PET117: variants seen among roughly 807,000 people sequenced by gnomAD.
The protein encoded by PET117 is PET117 cytochrome c oxidase chaperone.
In PET117, 10 loss-of-function variants were observed where a neutral mutation model predicts 9.2. The ratio of observed to expected loss-of-function variants is 1.09; its 90% CI spans 0.67 to 1.85. The LOEUF (loss-of-function observed/expected upper bound fraction) is 1.85. Among genes scored for constraint, PET117 ranks in the 40% most tolerant of loss-of-function variants. PET117 has a pLI of 0.00. For missense variants in PET117, 96 were observed against 98.2 expected (o/e 0.98, Z 0.09); for synonymous variants, 43 against 37.1 (o/e 1.16, Z -0.57).
At chr20:18,140,443 G>GA (rs924211475) in intron 1 of PET117, among the ~76,000 whole-genome samples, 17 of 151,894 alleles carry the variant, frequency 1.1e-4, no homozygotes, top group African/African-American at 4.1e-4. Flanking sequence ...AAATAATTTG[G>GA]AAAAAACCCC....
chr20:18,139,821 C>T (rs147194923), intron 1 of PET117, among the ~76,000 whole-genome samples: 1 of 152,186 alleles, frequency 6.6e-6, no homozygotes, highest in Non-Finnish European at 1.5e-5. Context: ...ATATTGATTC[C>T]TGACCGTCTA....
chr20:18,140,691 A>C (rs1029341169), intron 1 of PET117, among the ~76,000 whole-genome samples: 12 of 151,922 alleles, frequency 7.9e-5, no homozygotes, highest in Admixed American at 7.9e-4. Flanking sequence ...GCACGCCTGT[A>C]ATCTCAGCTA....
intron 1 of PET117, chr20:18,138,279 G>A: frequency 8.2e-7 from 1 of 1,217,866 alleles, no homozygotes; most frequent in Non-Finnish European, 1.0e-6. Flanking sequence ...AGGACGACCC[G>A]GCTGCCCGGC....
Position 18,142,562 on chromosome 20 carries a change from A to G in PET117, c.*205A>G. ...AGTGTGGGCAGACACTTTTTGGAAG[A>G]GTCTGTCTGGGTGATCCTGGTAGAA... On this transcript the variant is annotated 3_prime_UTR_variant, in exon 2 of 2. Transcript: ENST00000432901. 1 of 1,536,026 alleles carries G rather than the reference A, an allele frequency of 6.5e-7. No homozygotes were observed. The highest frequency in any genetic ancestry group is 8.8e-7 in the Non-Finnish European group (1 of 1,140,158).
At chr20:18,139,595 G>T (rs1438972354) in intron 1 of PET117, among the ~76,000 whole-genome samples, 1 of 151,782 alleles carries the variant, frequency 6.6e-6, no homozygotes, top group East Asian at 1.9e-4. Context: ...GAGTGGAAAA[G>T]TGGTTATTTG....
chr20:18,139,458 G>A (rs1189608145), intron 1 of PET117, among the ~76,000 whole-genome samples: 1 of 152,188 alleles, frequency 6.6e-6, no homozygotes, highest in Non-Finnish European at 1.5e-5. Flanking sequence ...TTTACAATGT[G>A]ACTAAGGCTT....
chr20:18,137,969 C>T lies in PET117; in HGVS notation c.14C>T (p.Ser5Leu). 2 of 1,498,208 alleles carry T rather than the reference C, an allele frequency of 1.3e-6. No homozygotes were observed. Among genetic ancestry groups the T allele is most frequent in the Non-Finnish European group, 1.8e-6 (2 of 1,130,774 alleles). The allele number at this position is 1,498,208 out of a possible 1,614,324, so 92.8% of individuals were successfully genotyped here. MSRS[S>L]KVVLGLSVLL... is the part of the protein sequence containing the mutation. ...GCCAGCGTGGGGATGTCTAGGAGCT[C>T]GAAGGTGGTGCTGGGCCTCTCGGTG... Residue 5 changes from serine (S) to leucine (L), a missense_variant, in exon 1 of 2, where the codon TCG becomes TTG. Coordinates refer to ENST00000432901, the MANE Select transcript of PET117 (RefSeq NM_001164811.2).
At chr20:18,139,633 CGTGT>C (rs71194228) in intron 1 of PET117, among the ~76,000 whole-genome samples, 30,710 of 141,344 alleles carry the variant, frequency 0.22, 3,327 homozygotes, top group Non-Finnish European at 0.25. Context: ...ACCAAAATAA[CGTGT>C]GTGTGTGTGT....
intron 1 of PET117, chr20:18,138,369 C>T (rs1568660473): frequency 9.4e-6 from 10 of 1,068,452 alleles, no homozygotes; most frequent in Non-Finnish European, 1.0e-5. Flanking sequence ...TGCCCAGTGG[C>T]TCTGTTTTCA....
intron 1 of PET117, among the ~76,000 whole-genome samples, chr20:18,139,691 T>G (rs558020790): frequency 3.3e-5 from 5 of 151,748 alleles, no homozygotes; most frequent in African/African-American, 1.2e-4. Context: ...TTTTTTCCTT[T>G]TATGTCCGGT....
At chr20:18,138,515 A>ATGTGTTG (rs1858851940) in intron 1 of PET117, 2 of 944,040 alleles carry the variant, frequency 2.1e-6, no homozygotes, top group Non-Finnish European at 2.5e-6. Context: ...GTTGGGGTTA[A>ATGTGTTG]AGCCTAATGT....
Position 18,142,781 on chromosome 20 carries a change from G to A in PET117, c.*424G>A, listed in dbSNP as rs781003411. ...GGAGGGAGAGACGCTCCTGATCGTC[G>A]AATCCGAGGATCAGGCATCAGTGGA... On this transcript the variant is annotated 3_prime_UTR_variant, in exon 2 of 2. Transcript: ENST00000432901. The A allele has an allele frequency of 9.9e-6, 16 of 1,614,044 alleles. No homozygotes were observed. The highest frequency in any genetic ancestry group is 1.7e-5 in the Admixed American group (1 of 59,994).
chr20:18,143,020 A>G lies in PET117; in HGVS notation c.*663A>G, dbSNP rs984636401. On this transcript the variant is annotated 3_prime_UTR_variant, in exon 2 of 2. Coordinates refer to ENST00000432901, the MANE Select transcript of PET117 (RefSeq NM_001164811.2). ...TGAATGTAAAAGAGACCTAAATAAAAGGATAATTATATTTATTCTCTAGTT... is the reference window on the plus strand; with the variant it reads ...TGAATGTAAAAGAGACCTAAATAAAGGGATAATTATATTTATTCTCTAGTT... 4.1e-6 allele frequency: 6 copies of G among 1,473,878 alleles called. No homozygotes were observed. The highest frequency in any genetic ancestry group is 2.5e-5 in the Admixed American group (1 of 39,624). The allele number at this position is 1,473,878 out of a possible 1,614,324, so 91.3% of individuals were successfully genotyped here. A position where few individuals can be genotyped will look rare whatever the true frequency, so the allele number is the denominator to read the frequency against.
intron 1 of PET117, 36 bp from the exon 2 acceptor site, chr20:18,142,172 C>T (rs888716284): frequency 9.2e-6 from 14 of 1,527,710 alleles, no homozygotes; most frequent in African/African-American, 1.4e-5. Flanking sequence ...ACCACCTGTT[C>T]GGGATGTTAC....
chr20:18,138,133 T>A, intron 1 of PET117, 82 bp downstream of exon 1: 3 of 1,361,176 alleles, frequency 2.2e-6, no homozygotes, highest in Non-Finnish European at 2.8e-6. Context: ...CCCGCTCGGT[T>A]CCTCAGCTCC....
chr20:18,140,931 C>T (rs2146327158), intron 1 of PET117, among the ~76,000 whole-genome samples: 1 of 149,348 alleles, frequency 6.7e-6, no homozygotes, highest in Admixed American at 6.6e-5. Flanking sequence ...AATCTTAGCT[C>T]ACTGCAGCCT....
Position 18,142,641 on chromosome 20 carries a change from G to A in PET117, c.*284G>A, listed in dbSNP as rs201457340. ...AGGGTTGTTACTGAGAAGCACTGCC[G>A]AGCTTGTGAGAAGGAAGGGATGGAT... On this transcript the variant is annotated 3_prime_UTR_variant, in exon 2 of 2. Coordinates refer to ENST00000432901, the MANE Select transcript of PET117 (RefSeq NM_001164811.2). The A allele has an allele frequency of 1.2e-4, 192 of 1,613,466 alleles. No homozygotes were observed. Among genetic ancestry groups the A allele is most frequent in the South Asian group, 8.5e-4 (77 of 91,020 alleles).
intron 1 of PET117, 67 bp downstream of exon 1, chr20:18,138,118 C>A: frequency 7.2e-7 from 1 of 1,393,996 alleles, no homozygotes; most frequent in South Asian, 1.5e-5. Flanking sequence ...CTCTCGTGGT[C>A]TCTGCCCGCT....
chr20:18,142,039 A>G (rs960891055), intron 1 of PET117, among the ~76,000 whole-genome samples, 169 bp from the exon 2 acceptor site: 2 of 152,146 alleles, frequency 1.3e-5, no homozygotes, highest in African/African-American at 4.8e-5. Context: ...AATTTATTTG[A>G]TCGTTTATTA....
Sources: allele counts gnomAD v4.1 joint callset (sites outside exome capture counted in the v4.1 genomes callset), GRCh38; gene constraint gnomAD v4.1.1; transcripts MANE v1.5; gene names NCBI Gene and HGNC (gene_info 2026-07-23, HGNC 2026-07-21).